RAD50: variants seen among roughly 807,000 people sequenced by gnomAD.
RAD50 encodes the protein DNA repair protein RAD50.
In RAD50, 132 loss-of-function variants were observed where a neutral mutation model predicts 168.8. The ratio of observed to expected loss-of-function variants is 0.78; its 90% confidence interval spans 0.68 to 0.90. RAD50 has a LOEUF of 0.90. Ranked by LOEUF, RAD50 falls within the 40% of genes least tolerant of loss-of-function variation. RAD50 has a pLI of 0.00. For missense variants in RAD50, 1,347 were observed against 1,534.4 expected, an observed-to-expected ratio of 0.88 and a Z score of 2.04; for synonymous variants, 525 against 497.4, an observed-to-expected ratio of 1.06 and a Z score of -0.74.
At chr5:132,609,462 A>T (rs1025502298) in intron 19 of RAD50, 66 bp downstream of exon 19, 1 of 1,584,338 alleles carries the variant, frequency 6.3e-7, no homozygotes, top group Non-Finnish European at 8.6e-7. Flanking sequence ...TTTATTTTCA[A>T]TAGAAGATCC....
intron 13 of RAD50, among the ~76,000 whole-genome samples, chr5:132,598,740 A>C (rs1750836883): frequency 6.6e-6 from 1 of 152,206 alleles, no homozygotes; most frequent in African/African-American, 2.4e-5. Context: ...GGCTTTTGGC[A>C]GCACAGTGAC....
intron 3 of RAD50, among the ~76,000 whole-genome samples, chr5:132,578,556 A>T (rs1232600740): frequency 1.0e-5 from 1 of 99,106 alleles, no homozygotes; most frequent in African/African-American, 4.3e-5. Flanking sequence ...TTTGAGACAG[A>T]GTTTCGCTCT....
intron 5 of RAD50, among the ~76,000 whole-genome samples, chr5:132,582,554 C>T (rs1043910710): frequency 3.9e-5 from 6 of 152,144 alleles, no homozygotes; most frequent in Non-Finnish European, 7.3e-5. Context: ...CCTTTATCTT[C>T]GGGAACTCTC....
chr5:132,624,760 C>T (rs1177734313), intron 21 of RAD50, among the ~76,000 whole-genome samples: 2 of 150,724 alleles, frequency 1.3e-5, no homozygotes, highest in South Asian at 2.1e-4. Context: ...ATTATCTGGG[C>T]GTGGTAGCAC....
intron 19 of RAD50, among the ~76,000 whole-genome samples, chr5:132,611,798 GATA>G (rs1751093094): frequency 6.6e-6 from 1 of 151,250 alleles, no homozygotes; most frequent in South Asian, 2.1e-4. Flanking sequence ...CTGACTACAG[GATA>G]ATGTCTCTAT....
chr5:132,607,737 C>T lies in RAD50; in HGVS notation c.2719-878C>T, dbSNP rs1751010620. On this transcript the variant is annotated intron_variant, in intron 16 of 24. Transcript: ENST00000378823. ...TGTCTCATGAGTGCCTAAGTTTATG[C>T]AGCTAATAGGAAGCAGAGTTGATTT... is the stretch of plus-strand genomic sequence containing the variant. Among the ~76,000 whole-genome samples the T allele has an allele frequency of 3.3e-5, 5 of 152,276 alleles. 1 individual carries two copies. The South Asian group carries it at 1.0e-3, about 32-fold the overall frequency.
chr5:132,634,448 G>T (rs1441429123), intron 21 of RAD50, among the ~76,000 whole-genome samples: 2 of 151,646 alleles, frequency 1.3e-5, no homozygotes, highest in African/African-American at 4.9e-5. Flanking sequence ...TAATTTTTCA[G>T]TTGATTTTCT....
At chr5:132,601,028 A>G (rs1561644100) in intron 13 of RAD50, among the ~76,000 whole-genome samples, 1 of 152,090 alleles carries the variant, frequency 6.6e-6, no homozygotes, top group Non-Finnish European at 1.5e-5. Flanking sequence ...ATTTAAAAAA[A>G]AGAAAAACAA....
chr5:132,572,117 T>C (rs1015667897), intron 2 of RAD50, among the ~76,000 whole-genome samples: 1 of 152,036 alleles, frequency 6.6e-6, no homozygotes, highest in Admixed American at 6.6e-5. Flanking sequence ...AGTAATAGAA[T>C]AAAGAAGAAA....
At chr5:132,602,327 C>T (rs1475678350) in intron 13 of RAD50, among the ~76,000 whole-genome samples, 1 of 151,916 alleles carries the variant, frequency 6.6e-6, no homozygotes, top group African/African-American at 2.4e-5. Context: ...CATACTAATT[C>T]AATATAATTT....
intron 21 of RAD50, among the ~76,000 whole-genome samples, chr5:132,618,500 T>A (rs1033057861): frequency 3.9e-5 from 6 of 152,178 alleles, no homozygotes; most frequent in Non-Finnish European, 2.9e-5. Flanking sequence ...TGCCTCATCC[T>A]CCCAAGTAGC....
At position 132,588,087 on chromosome 5, in the gene RAD50, A is replaced by G. The variant is rs751434866; in HGVS notation, c.1049A>G (p.Gln350Arg). The G allele has an allele frequency of 3.1e-6, 5 of 1,609,712 alleles. No individual in the cohort carries two copies. The Admixed American group carries it at 5.0e-5, about 16-fold the overall frequency. The change falls in exon 7 of 25, where the codon CAG becomes CGG. Residue 350 changes from glutamine to arginine, a missense_variant and splice_region_variant. This residue lies in a region of RAD50 where 703 missense variants were observed against 767.7 expected (regional missense o/e 0.92). Transcript: ENST00000378823. ...NQEKSELLVEQGRLQLQADRH... is the reference protein window; with the variant it reads ...NQEKSELLVERGRLQLQADRH... ...GAAAAATCAGAACTGCTTGTTGAAC[A>G]GGGTAGGACAAAATGTTTATTTGGT...
chr5:132,580,671 C>T (rs183094332), intron 5 of RAD50, among the ~76,000 whole-genome samples: 150 of 152,192 alleles, frequency 9.9e-4, no homozygotes, highest in African/African-American at 3.1e-3. Flanking sequence ...TTCCTCAACC[C>T]GGTGATTTAT....
At chr5:132,583,690 C>CTTTTTTTTTTTT in intron 5 of RAD50, among the ~76,000 whole-genome samples, 1 of 117,638 alleles carries the variant, frequency 8.5e-6, no homozygotes, top group Non-Finnish European at 1.7e-5. Flanking sequence ...TAATTCATTC[C>CTTTTTTTTTTTT]TTTTTTTTTT....
At position 132,588,773 on chromosome 5, in the gene RAD50, T is replaced by C. The variant is rs760107232; in HGVS notation, c.1138T>C (p.Leu380=). ...LIQSLATQLE[L]DGFERGPFSE... is the part of the protein sequence containing the mutation. ...TCAGTCTTTGGCAACACAGCTAGAA[T>C]TGGATGGCTTTGAGCGTGGACCATT... The change falls in exon 8 of 25, where the codon TTG becomes CTG. Residue 380 remains leucine, a synonymous_variant. Coordinates refer to ENST00000378823, the MANE Select transcript of RAD50 (RefSeq NM_005732.4). 1 of 1,613,820 alleles carries C rather than the reference T, an allele frequency of 6.2e-7. No homozygotes were observed.
chr5:132,557,027 G>A lies in RAD50; in HGVS notation c.-298G>A. The A allele has an allele frequency of 1.5e-6, 1 of 679,194 alleles. No homozygotes were observed. Among genetic ancestry groups the A allele is most frequent in the Non-Finnish European group, 2.3e-6 (1 of 439,558 alleles). The allele number at this position is 679,194 out of a possible 1,614,324, so 42.1% of individuals were successfully genotyped here. A position where few individuals can be genotyped will look rare whatever the true frequency, so the allele number is the denominator to read the frequency against. On this transcript the variant is annotated 5_prime_UTR_variant, in exon 1 of 25. Transcript: ENST00000378823. Reference sequence around the variant, plus strand: ...AGGAAGCTGTGAGTGCGCGGTTGCGGGGTCGCATTGTGGCTACGGCTTTGC... The same window carrying A: ...AGGAAGCTGTGAGTGCGCGGTTGCGAGGTCGCATTGTGGCTACGGCTTTGC...
intron 13 of RAD50, among the ~76,000 whole-genome samples, chr5:132,599,151 G>C (rs1750843518): frequency 6.6e-6 from 1 of 152,052 alleles, no homozygotes; most frequent in East Asian, 1.9e-4. Flanking sequence ...GCAGTGATTA[G>C]TTTTTCATGG....
chr5:132,567,677 G>A (rs1303461504), intron 2 of RAD50, among the ~76,000 whole-genome samples: 1 of 152,142 alleles, frequency 6.6e-6, no homozygotes. Flanking sequence ...GGCAAGTGGG[G>A]CTGTGAGTGT....
In RAD50 at chr5:132,575,784, A is replaced by C. The variant is rs764844493; in HGVS notation, c.221A>C (p.Gln74Pro). Reference sequence around the variant, plus strand: ...CTGTGTTTTCCTTCAAAGGTTGCTCAAGAAACAGATGTGAGAGCCCAGATT... The same window carrying C: ...CTGTGTTTTCCTTCAAAGGTTGCTCCAGAAACAGATGTGAGAGCCCAGATT... ...NTFVHDPKVAQETDVRAQIRL... is the reference protein window; with the variant it reads ...NTFVHDPKVAPETDVRAQIRL... The change falls in exon 3 of 25, where the codon CAA becomes CCA. Residue 74 changes from glutamine to proline, a missense_variant. Gln to Pro is a moderately conservative substitution (Grantham distance 76). Around this residue, in one of 3 missense-constraint regions of RAD50, gnomAD observed 703 missense variants for 767.7 expected, o/e 0.92. Coordinates refer to ENST00000378823, the MANE Select transcript of RAD50 (RefSeq NM_005732.4). 3 of 1,594,676 alleles carry C rather than the reference A, an allele frequency of 1.9e-6. No individual in the cohort carries two copies. The highest frequency in any genetic ancestry group is 2.6e-6 in the Non-Finnish European group (3 of 1,162,284).
Sources: allele counts gnomAD v4.1 joint callset (sites outside exome capture counted in the v4.1 genomes callset), GRCh38; gene constraint gnomAD v4.1.1; regional missense constraint gnomAD v4.1.1; transcripts MANE v1.5; gene names NCBI Gene and HGNC (gene_info 2026-07-23, HGNC 2026-07-21).